KALRN: variants seen among roughly 807,000 people sequenced by gnomAD.
KALRN encodes kalirin RhoGEF kinase, also known as kalirin.
Under a neutral mutation model 353.7 loss-of-function variants are expected in KALRN, and 70 were observed. The ratio of observed to expected loss-of-function variants is 0.20; its 90% CI spans 0.16 to 0.24. The LOEUF (loss-of-function observed/expected upper bound fraction) is 0.24. KALRN is among the 10% of genes least tolerant of loss of function. The probability of loss-of-function intolerance (pLI) is 1.00; values close to 1 mark genes in which losing one functional copy is unlikely to be tolerated. For missense variants in KALRN, 2,791 were observed against 3,756.7 expected, an observed-to-expected ratio of 0.74 and a Z score of 6.72; for synonymous variants, 1,391 against 1,434.8, an observed-to-expected ratio of 0.97 and a Z score of 0.69.
chr3:124,357,049 T>G (rs2083498696), intron 10 of KALRN, among the ~76,000 whole-genome samples: 1 of 152,246 alleles, frequency 6.6e-6, no homozygotes, highest in Non-Finnish European at 1.5e-5. Flanking sequence ...TGTGCTCTTA[T>G]TCCTGCATTC....
chr3:124,056,165 G>A (rs536602971), intron 1 of KALRN, among the ~76,000 whole-genome samples: 4 of 152,318 alleles, frequency 2.6e-5, no homozygotes, highest in East Asian at 3.9e-4. Context: ...CCAGCCCCTT[G>A]CCTTGCAGGT....
chr3:124,419,100 C>T (rs1369201464), intron 14 of KALRN, among the ~76,000 whole-genome samples: 1 of 151,746 alleles, frequency 6.6e-6, no homozygotes, highest in African/African-American at 2.4e-5. Flanking sequence ...TCTGCTGAGT[C>T]TGATGTGAGG....
In KALRN at chr3:124,333,759, G is replaced by C. The variant is rs1455571252; in HGVS notation, c.1417-506G>C. On this transcript the variant is annotated intron_variant, in intron 8 of 59. Coordinates refer to ENST00000682506, the MANE Select transcript of KALRN (RefSeq NM_001388419.1). ...AGAAATTAGCCAGGTGTGGTGGCAG[G>C]CACCTGTAATCCCAGCTACTCAGGA... Among the ~76,000 whole-genome samples the C allele has an allele frequency of 3.3e-5, 5 of 152,106 alleles. No homozygotes were observed. In the East Asian group the frequency reaches 7.7e-4, roughly 23 times the overall value.
At chr3:124,083,864 T>G (rs1185373729) in intron 1 of KALRN, among the ~76,000 whole-genome samples, 1 of 152,236 alleles carries the variant, frequency 6.6e-6, no homozygotes, top group African/African-American at 2.4e-5. Flanking sequence ...CATATCCTAA[T>G]TGTTGACTCT....
At chr3:124,392,161 C>T (rs113791954) in intron 11 of KALRN, among the ~76,000 whole-genome samples, 88 of 152,194 alleles carry the variant, frequency 5.8e-4, no homozygotes, top group African/African-American at 2.1e-3. Flanking sequence ...GCAATCCTCC[C>T]GCCTCAGCCT....
chr3:124,127,578 A>G (rs184353296), intron 1 of KALRN, among the ~76,000 whole-genome samples: 2 of 152,314 alleles, frequency 1.3e-5, no homozygotes, highest in Middle Eastern at 3.4e-3. Context: ...ATGAGATCTT[A>G]GAGTCCATTT....
At chr3:124,374,686 C>T (rs2086335780) in intron 10 of KALRN, among the ~76,000 whole-genome samples, 1 of 152,160 alleles carries the variant, frequency 6.6e-6, no homozygotes, top group African/African-American at 2.4e-5. Context: ...ATTTTCAAGC[C>T]AACTGTCTTG....
chr3:124,628,937 C>T (rs1226278548), intron 34 of KALRN, among the ~76,000 whole-genome samples: 1 of 152,182 alleles, frequency 6.6e-6, no homozygotes, highest in African/African-American at 2.4e-5. Flanking sequence ...CTATTGGCTG[C>T]ATGTAGGCCA....
intron 34 of KALRN, among the ~76,000 whole-genome samples, chr3:124,622,962 G>T (rs1379841828): frequency 5.9e-5 from 9 of 152,076 alleles, no homozygotes; most frequent in Non-Finnish European, 7.4e-5. Context: ...AAGTAAGTAT[G>T]AGTTGAAACT....
chr3:124,532,880 C>CT (rs2068164748), intron 33 of KALRN, among the ~76,000 whole-genome samples: 1 of 150,312 alleles, frequency 6.7e-6, no homozygotes, highest in African/African-American at 2.4e-5. Context: ...ACATTTCCTT[C>CT]TTTTTTAATC....
chr3:124,170,831 CTTTTTTTTTTTTTTTTTTTTTTTTTTTT>C (rs752783614), intron 1 of KALRN, among the ~76,000 whole-genome samples: 7 of 47,118 alleles, frequency 1.5e-4, no homozygotes, highest in South Asian at 2.0e-3. Flanking sequence ...CTTCCACATT[CTTTTTTTTTTTTTTTTTTTTTTTTTTTT>C]TTTTTTTTTT....
intron 6 of KALRN, among the ~76,000 whole-genome samples, chr3:124,301,371 G>A (rs995230872): frequency 6.6e-6 from 1 of 152,188 alleles, no homozygotes; most frequent in Non-Finnish European, 1.5e-5. Flanking sequence ...GAGAAGAGAA[G>A]AGATTTAGTA....
At chr3:124,465,389 C>T (rs1404603564) in intron 25 of KALRN, among the ~76,000 whole-genome samples, 5 of 152,028 alleles carry the variant, frequency 3.3e-5, no homozygotes, top group Non-Finnish European at 7.4e-5. Context: ...TAGGTGAATG[C>T]ATGGATGAAC....
intron 36 of KALRN, among the ~76,000 whole-genome samples, chr3:124,635,928 C>G (rs2081303099): frequency 1.3e-5 from 2 of 152,048 alleles, no homozygotes; most frequent in Non-Finnish European, 2.9e-5. Context: ...ATGGCTAATA[C>G]TACTACATAC....
chr3:124,442,152 T>C, intron 19 of KALRN, 93 bp downstream of exon 19: 2 of 611,676 alleles, frequency 3.3e-6, no homozygotes. Context: ...ATCTCAAATT[T>C]CCTGCTGCTT....
At chr3:124,458,811 G>A (rs916101739) in intron 23 of KALRN, among the ~76,000 whole-genome samples, 1 of 152,090 alleles carries the variant, frequency 6.6e-6, no homozygotes, top group East Asian at 1.9e-4. Flanking sequence ...GTGTGCACCT[G>A]TAATCCCAGC....
chr3:124,639,356 A>C (rs1442708668), intron 37 of KALRN, among the ~76,000 whole-genome samples: 1 of 152,140 alleles, frequency 6.6e-6, no homozygotes. Flanking sequence ...TCTGTGGTGT[A>C]ATTTGTTAAA....
At chr3:124,180,068 A>G (rs1425382742) in intron 1 of KALRN, among the ~76,000 whole-genome samples, 2 of 152,004 alleles carry the variant, frequency 1.3e-5, no homozygotes, top group Non-Finnish European at 2.9e-5. Context: ...GATCAGAACA[A>G]TGCTGAGCTT....
chr3:124,113,301 G>C (rs973323553), intron 1 of KALRN, among the ~76,000 whole-genome samples: 1 of 152,168 alleles, frequency 6.6e-6, no homozygotes, highest in African/African-American at 2.4e-5. Context: ...GCATGTTAAA[G>C]GCTCAATAAG....
Sources: gnomAD v4.1 joint callset for allele counts (sites outside exome capture counted in the v4.1 genomes callset) on GRCh38, gnomAD v4.1.1 for gene constraint, MANE v1.5 for transcripts, NCBI Gene and HGNC (gene_info 2026-07-23, HGNC 2026-07-21) for gene names.